MYT1L: variants seen among roughly 807,000 people sequenced by gnomAD.
MYT1L encodes myelin transcription factor 1 like, also known as myelin transcription factor 1-like protein.
In MYT1L, 12 loss-of-function variants were observed where a neutral mutation model predicts 126.7. The observed-to-expected ratio is 0.09, with a 90% CI of 0.06 to 0.15. MYT1L has a LOEUF of 0.15. MYT1L is among the 10% of genes least tolerant of loss of function. MYT1L has a pLI of 1.00. For missense variants in MYT1L, 979 were observed against 1,585.2 expected, an observed-to-expected ratio of 0.62 and a Z score of 6.49; for synonymous variants, 541 against 604.2, an observed-to-expected ratio of 0.90 and a Z score of 1.53.
At chr2:2,042,893 C>T (rs2067711695) in intron 4 of MYT1L, among the ~76,000 whole-genome samples, 2 of 152,210 alleles carry the variant, frequency 1.3e-5, no homozygotes, top group South Asian at 4.1e-4. Context: ...CCCTTCCCCC[C>T]TGCTCTTCCC....
intron 3 of MYT1L, among the ~76,000 whole-genome samples, chr2:2,124,292 G>A (rs997403337): frequency 2.0e-5 from 3 of 152,080 alleles, no homozygotes; most frequent in Admixed American, 6.6e-5. Flanking sequence ...ATAAAAACAA[G>A]CTATTCTTTT....
At chr2:2,252,210 A>C (rs1312794115) in intron 2 of MYT1L, among the ~76,000 whole-genome samples, 1 of 152,096 alleles carries the variant, frequency 6.6e-6, no homozygotes, top group Admixed American at 6.5e-5. Context: ...GGTCTGACCC[A>C]AGCTCCTCTC....
chr2:2,031,565 G>C (rs961559485), intron 4 of MYT1L, among the ~76,000 whole-genome samples: 1 of 147,028 alleles, frequency 6.8e-6, no homozygotes. Flanking sequence ...GATTCTAGAA[G>C]GAGGGCCTTA....
chr2:2,217,696 AC>A (rs1193592497), intron 2 of MYT1L, among the ~76,000 whole-genome samples: 1,595 of 98,812 alleles, frequency 0.016, 101 homozygotes, highest in African/African-American at 0.07. Flanking sequence ...AACAACAACA[AC>A]AACAACAACA....
At chr2:2,233,705 A>T (rs780943046) in intron 2 of MYT1L, among the ~76,000 whole-genome samples, 1 of 152,198 alleles carries the variant, frequency 6.6e-6, no homozygotes, top group Non-Finnish European at 1.5e-5. Context: ...ACAGGAAATG[A>T]ACCCAAGGTG....
intron 4 of MYT1L, among the ~76,000 whole-genome samples, chr2:2,008,511 C>T (rs750494144): frequency 4.6e-5 from 7 of 152,114 alleles, no homozygotes; most frequent in Non-Finnish European, 8.8e-5. Flanking sequence ...TTACGGCCTT[C>T]GCTCATTTGA....
intron 18 of MYT1L, among the ~76,000 whole-genome samples, chr2:1,861,047 CG>C (rs1283411194): frequency 2.6e-5 from 4 of 152,212 alleles, no homozygotes; most frequent in East Asian, 1.9e-4. Flanking sequence ...CAGAGGGAAG[CG>C]GCGACAATGG....
chr2:2,178,332 A>G (rs1000471747), intron 2 of MYT1L, among the ~76,000 whole-genome samples: 2 of 152,208 alleles, frequency 1.3e-5, no homozygotes, highest in Admixed American at 1.3e-4. Flanking sequence ...ATAGTTGAAG[A>G]CAGGCCCTGG....
intron 3 of MYT1L, among the ~76,000 whole-genome samples, chr2:2,143,117 C>T (rs1293693234): frequency 2.6e-5 from 4 of 151,244 alleles, no homozygotes; most frequent in South Asian, 2.1e-4. Context: ...GGTGAAACCC[C>T]GTCCCTACTA....
intron 5 of MYT1L, among the ~76,000 whole-genome samples, chr2:1,991,577 C>A (rs2061459183): frequency 6.6e-6 from 1 of 152,144 alleles, no homozygotes; most frequent in South Asian, 2.1e-4. Flanking sequence ...CTGCGCCTGA[C>A]CTAGATCCTT....
At chr2:1,945,667 T>A (rs553390328) in intron 8 of MYT1L, among the ~76,000 whole-genome samples, 54 of 152,078 alleles carry the variant, frequency 3.6e-4, no homozygotes, top group East Asian at 9.7e-4. Flanking sequence ...AATGAAAAAA[T>A]ATATATATAT....
chr2:1,880,509 T>G (rs189601092), intron 18 of MYT1L, among the ~76,000 whole-genome samples: 68 of 152,306 alleles, frequency 4.5e-4, no homozygotes, highest in Admixed American at 4.0e-3. Context: ...CTTAACTGAC[T>G]GTAGATGGGG....
intron 8 of MYT1L, among the ~76,000 whole-genome samples, chr2:1,971,333 A>C (rs950472695): frequency 6.6e-6 from 1 of 152,222 alleles, no homozygotes. Context: ...CACTACAGAC[A>C]GGCACCAGGC....
At chr2:1,861,733 G>GCTCC (rs2044659090) in intron 18 of MYT1L, among the ~76,000 whole-genome samples, 1 of 114,342 alleles carries the variant, frequency 8.7e-6, no homozygotes, top group African/African-American at 3.3e-5. Context: ...CTGGATCTGT[G>GCTCC]TGCAGCCTGT....
intron 2 of MYT1L, among the ~76,000 whole-genome samples, chr2:2,270,749 G>A (rs1300565927): frequency 6.6e-6 from 1 of 152,006 alleles, no homozygotes; most frequent in African/African-American, 2.4e-5. Flanking sequence ...CACAGTCTCT[G>A]CCTGCCCTGG....
intron 3 of MYT1L, among the ~76,000 whole-genome samples, chr2:2,112,095 C>T (rs1428937534): frequency 6.6e-6 from 1 of 152,220 alleles, no homozygotes; most frequent in Non-Finnish European, 1.5e-5. Flanking sequence ...AGCCCAGAGC[C>T]CCCTCCCGTG....
chr2:1,862,279 C>A (rs948601262), intron 18 of MYT1L, among the ~76,000 whole-genome samples: 18 of 150,004 alleles, frequency 1.2e-4, no homozygotes, highest in South Asian at 2.1e-4. Context: ...AAAAAAAAAT[C>A]AAAAAATCTT....
Position 2,308,861 on chromosome 2 carries a change from ACCT to A in MYT1L, c.-521+22103_-521+22105del, listed in dbSNP as rs1416482987. Among the ~76,000 whole-genome samples, 3 of 151,622 alleles carry A rather than the reference ACCT, an allele frequency of 2.0e-5. No homozygotes were observed. The South Asian group carries it at 6.2e-4, about 31-fold the overall frequency. On this transcript the variant is annotated intron_variant, in intron 1 of 24. Transcript: ENST00000647738. ...CTTCAGTACATTCGACCTATATCCC[ACCT>A]ACACTTCAGCATATTCTATCTATAC...
intron 1 of MYT1L, among the ~76,000 whole-genome samples, chr2:2,300,559 A>G (rs2095766884): frequency 1.3e-5 from 2 of 152,206 alleles, no homozygotes; most frequent in Admixed American, 1.3e-4. Flanking sequence ...CCCAGCTTGA[A>G]CAATACTCCA....
Sources: gnomAD v4.1 joint callset for allele counts (sites outside exome capture counted in the v4.1 genomes callset) on GRCh38, gnomAD v4.1.1 for gene constraint, MANE v1.5 for transcripts, NCBI Gene and HGNC (gene_info 2026-07-23, HGNC 2026-07-21) for gene names.